The following MDFIC variants were observed in gnomAD, a reference collection of about 807,000 sequenced individuals.
MDFIC encodes myoD family inhibitor domain-containing protein.
A neutral mutation model predicts 23.2 loss-of-function variants in MDFIC; 17 were observed. That is an observed-to-expected ratio of 0.73 (90% CI 0.50 to 1.10). The LOEUF (loss-of-function observed/expected upper bound fraction) is 1.10. Among genes scored for constraint, MDFIC ranks in the 50% least tolerant of loss-of-function variants. The probability of loss-of-function intolerance (pLI) is 0.00; values close to 1 mark genes in which losing one functional copy is unlikely to be tolerated. For synonymous variants in MDFIC, 120 were observed against 115.2 expected (o/e 1.04, Z -0.27); for missense variants, 356 against 316.6 (o/e 1.12, Z -0.95).
chr7:114,932,281 G>A (rs1792324036), intron 2 of MDFIC, among the ~76,000 whole-genome samples: 1 of 152,134 alleles, frequency 6.6e-6, no homozygotes, highest in South Asian at 2.1e-4. Context: ...ATTTTTGATT[G>A]GAGGGTAAAG....
chr7:114,922,324 T>G lies in MDFIC; in HGVS notation c.-420T>G. ...CAGAGGGAGAAGTGTTTCAGGATTG[T>G]AGGAGTGGAAGAGGGGAAAGAGAGG... On this transcript the variant is annotated 5_prime_UTR_variant, in exon 1 of 5. An upstream open reading frame in the 5' UTR loses its in-frame stop. Transcript: ENST00000393486. 1 of 993,644 alleles carries G rather than the reference T, an allele frequency of 1.0e-6. No homozygotes were observed. The highest frequency in any genetic ancestry group is 1.3e-6 in the Non-Finnish European group (1 of 770,960). 61.6% of individuals were successfully genotyped at this position (993,644 alleles called of 1,614,324 possible). A position where few individuals can be genotyped will look rare whatever the true frequency, so the allele number is the denominator to read the frequency against.
intron 3 of MDFIC, among the ~76,000 whole-genome samples, chr7:114,951,640 T>C (rs1276856562): frequency 6.6e-6 from 1 of 152,030 alleles, no homozygotes; most frequent in African/African-American, 2.4e-5. Flanking sequence ...CCACTTAATA[T>C]TCTGTATTCT....
intron 2 of MDFIC, among the ~76,000 whole-genome samples, chr7:114,940,370 T>C (rs1792515366): frequency 1.3e-5 from 2 of 152,254 alleles, no homozygotes; most frequent in East Asian, 1.9e-4. Flanking sequence ...AATTTTTGCA[T>C]GTGCAGAAAT....
chr7:115,005,382 A>C (rs948890173), intron 4 of MDFIC, among the ~76,000 whole-genome samples: 1 of 152,296 alleles, frequency 6.6e-6, no homozygotes, highest in East Asian at 1.9e-4. Flanking sequence ...CCCTGTTGCT[A>C]ATAGCCTTAT....
At chr7:114,983,344 A>C (rs1000294843) in intron 4 of MDFIC, among the ~76,000 whole-genome samples, 8 of 152,120 alleles carry the variant, frequency 5.3e-5, no homozygotes, top group Non-Finnish European at 1.2e-4. Flanking sequence ...TAATGGAATA[A>C]AATATTTACA....
intron 3 of MDFIC, among the ~76,000 whole-genome samples, chr7:114,949,412 A>G (rs1324158973): frequency 2.0e-5 from 3 of 152,324 alleles, no homozygotes; most frequent in South Asian, 4.1e-4. Flanking sequence ...GAAATAAATA[A>G]CATTTAATGA....
At chr7:114,981,900 A>AAAAACC (rs1793423517) in intron 4 of MDFIC, among the ~76,000 whole-genome samples, 1 of 152,242 alleles carries the variant, frequency 6.6e-6, no homozygotes, top group Non-Finnish European at 1.5e-5. Context: ...GTACTGTAAT[A>AAAAACC]AAAACCAAAA....
chr7:114,924,410 A>G (rs1452285186), intron 2 of MDFIC, among the ~76,000 whole-genome samples: 2 of 152,214 alleles, frequency 1.3e-5, no homozygotes, highest in East Asian at 3.9e-4. Context: ...CAAACACCCA[A>G]GGAAAATAAT....
intron 4 of MDFIC, among the ~76,000 whole-genome samples, chr7:114,987,802 T>C (rs941022674): frequency 6.6e-6 from 1 of 152,168 alleles, no homozygotes; most frequent in Non-Finnish European, 1.5e-5. Context: ...GCTGTCTTTT[T>C]TTAAAAAATA....
At chr7:114,991,950 A>G (rs1048668283) in intron 4 of MDFIC, among the ~76,000 whole-genome samples, 1 of 152,176 alleles carries the variant, frequency 6.6e-6, no homozygotes, top group Non-Finnish European at 1.5e-5. Flanking sequence ...CAGTATGGCC[A>G]TTTTCACAAT....
intron 3 of MDFIC, among the ~76,000 whole-genome samples, chr7:114,977,742 AAC>A (rs1209912882): frequency 4.6e-5 from 7 of 151,892 alleles, no homozygotes; most frequent in Non-Finnish European, 1.0e-4. Context: ...ATGCTATTAA[AAC>A]AGTCTCCTCT....
At chr7:114,930,602 T>G (rs113531410) in intron 2 of MDFIC, among the ~76,000 whole-genome samples, 44 of 152,326 alleles carry the variant, frequency 2.9e-4, no homozygotes, top group African/African-American at 1.0e-3. Context: ...TCCTGGATCT[T>G]GTTGAGATGA....
intron 3 of MDFIC, among the ~76,000 whole-genome samples, chr7:114,979,093 A>G (rs1793370132): frequency 6.6e-6 from 1 of 152,182 alleles, no homozygotes; most frequent in South Asian, 2.1e-4. Flanking sequence ...ATTTGAAAAG[A>G]CAATTGAGTA....
chr7:115,008,528 C>A (rs1002330804), intron 4 of MDFIC, among the ~76,000 whole-genome samples: 1 of 152,086 alleles, frequency 6.6e-6, no homozygotes, highest in Non-Finnish European at 1.5e-5. Flanking sequence ...TGTGCCAGAG[C>A]GTTCTGTGTA....
At chr7:114,981,138 G>T (rs1272443522) in intron 4 of MDFIC, among the ~76,000 whole-genome samples, 3 of 152,114 alleles carry the variant, frequency 2.0e-5, no homozygotes, top group African/African-American at 4.8e-5. Flanking sequence ...GAGGATCTTC[G>T]CTTCTAGGTG....
intron 3 of MDFIC, among the ~76,000 whole-genome samples, chr7:114,956,799 T>C (rs1023538504): frequency 2.0e-5 from 3 of 152,166 alleles, no homozygotes; most frequent in African/African-American, 4.8e-5. Context: ...GGTTTTTGAT[T>C]GAAAATATTG....
chr7:115,009,656 C>CA (rs1295650036), intron 4 of MDFIC, among the ~76,000 whole-genome samples: 1 of 152,210 alleles, frequency 6.6e-6, no homozygotes, highest in East Asian at 1.9e-4. Flanking sequence ...AATTCAGTTC[C>CA]AATTGTTACT....
intron 2 of MDFIC, among the ~76,000 whole-genome samples, chr7:114,935,321 A>G (rs966963349): frequency 1.3e-5 from 2 of 152,114 alleles, no homozygotes; most frequent in African/African-American, 4.8e-5. Context: ...CAAATATTTA[A>G]TTGAAGTGTA....
rs181575279 is a variant in MDFIC at position 114,943,517 on chromosome 7, G to A, written c.217+1120G>A. On this transcript the variant is annotated intron_variant, in intron 3 of 4. Coordinates refer to ENST00000393486, the MANE Select transcript of MDFIC (RefSeq NM_001166345.3). ...ACCATTTTGGTTTTTATACACTTTG[G>A]TCTTGGAGAAGGGAGTAGGAAGGAA... Among the ~76,000 whole-genome samples the A allele has an allele frequency of 5.9e-5, 9 of 152,234 alleles. No homozygotes were observed. In the East Asian group the frequency reaches 1.7e-3, roughly 29 times the overall value.
Sources: allele counts gnomAD v4.1 joint callset (sites outside exome capture counted in the v4.1 genomes callset), GRCh38; gene constraint gnomAD v4.1.1; transcripts MANE v1.5; gene names NCBI Gene and HGNC (gene_info 2026-07-23, HGNC 2026-07-21).